The following ADGRL3 variants were observed in gnomAD, a reference collection of about 807,000 sequenced individuals.
ADGRL3 encodes adhesion G protein-coupled receptor L3.
ADGRL3 carries 62 observed loss-of-function variants against 153.5 expected under a neutral mutation model. The ratio of observed to expected loss-of-function variants is 0.40; its 90% CI spans 0.33 to 0.50. The LOEUF (loss-of-function observed/expected upper bound fraction) is 0.50. Ranked by LOEUF, ADGRL3 falls within the 20% of genes least tolerant of loss-of-function variation. ADGRL3 has a pLI of 0.47. For missense variants in ADGRL3, 1,641 were observed against 1,859.4 expected, an observed-to-expected ratio of 0.88 and a Z score of 2.16; for synonymous variants, 710 against 672.5, an observed-to-expected ratio of 1.06 and a Z score of -0.86.
intron 1 of ADGRL3, among the ~76,000 whole-genome samples, chr4:61,379,201 G>A (rs949026331): frequency 6.6e-6 from 1 of 151,806 alleles, no homozygotes; most frequent in Non-Finnish European, 1.5e-5. Flanking sequence ...GGGGGTAGTT[G>A]GAAAAAGGAT....
intron 2 of ADGRL3, among the ~76,000 whole-genome samples, chr4:61,458,375 A>C (rs115251687): frequency 0.01 from 1,539 of 151,474 alleles, 27 homozygotes; most frequent in African/African-American, 0.03. Flanking sequence ...AAAAAACAAT[A>C]ATTTTTATTA....
At chr4:61,354,382 C>T (rs569106563) in intron 1 of ADGRL3, among the ~76,000 whole-genome samples, 6 of 151,906 alleles carry the variant, frequency 3.9e-5, no homozygotes, top group South Asian at 2.1e-4. Context: ...AATGGACATC[C>T]GCATATATAA....
At position 62,044,512 on chromosome 4, in the gene ADGRL3, T is replaced by G; in HGVS notation, c.3777T>G (p.Ile1259Met). The change falls in exon 25 of 27, where the codon ATT (isoleucine) becomes ATG (methionine). Residue 1259 changes from isoleucine (I) to methionine (M), a missense_variant. By Grantham distance (10) the Ile-to-Met change is conservative. Coordinates refer to ENST00000683033, the MANE Select transcript of ADGRL3 (RefSeq NM_001387552.1). ...TVRKQSESSF[I>M]TGDINSSASL... ...GAAAGCAGTCAGAGTCTTCCTTTAT[T>G]ACTGGAGACATAAACAGTTCAGCGT... The G allele has an allele frequency of 6.3e-7, 1 of 1,597,126 alleles. No homozygotes were observed. The highest frequency in any genetic ancestry group is 8.5e-7 in the Non-Finnish European group (1 of 1,171,184).
intron 5 of ADGRL3, among the ~76,000 whole-genome samples, chr4:61,667,895 C>T (rs2094855446): frequency 6.6e-6 from 1 of 152,154 alleles, no homozygotes; most frequent in Non-Finnish European, 1.5e-5. Flanking sequence ...TGCTCCTTGG[C>T]AATGACATGC....
intron 17 of ADGRL3, among the ~76,000 whole-genome samples, chr4:61,965,606 C>T (rs2099003571): frequency 6.6e-6 from 1 of 151,834 alleles, no homozygotes; most frequent in Non-Finnish European, 1.5e-5. Context: ...AAAAAATTAG[C>T]CAGGCTTGGT....
At position 61,443,531 on chromosome 4, in the gene ADGRL3, T is replaced by G. The variant is rs535985816; in HGVS notation, c.-173-53590T>G. 3.9e-5 allele frequency among the ~76,000 whole-genome samples: 6 copies of G among 152,298 alleles called. No individual in the cohort carries two copies. The East Asian group carries it at 5.8e-4, about 15-fold the overall frequency. ...AAAATATTCAAATGAAGTTAGCACA[T>G]AAACAGCTAATATTTAATTCTATTT... On this transcript the variant is annotated intron_variant, in intron 2 of 26. Coordinates refer to ENST00000683033, the MANE Select transcript of ADGRL3 (RefSeq NM_001387552.1).
intron 2 of ADGRL3, among the ~76,000 whole-genome samples, chr4:61,391,021 T>C (rs1314924773): frequency 2.6e-5 from 4 of 152,224 alleles, no homozygotes; most frequent in African/African-American, 7.2e-5. Context: ...TAGATGTATC[T>C]CAGTTCATTT....
intron 4 of ADGRL3, among the ~76,000 whole-genome samples, chr4:61,545,821 T>A (rs749804665): frequency 3.3e-5 from 5 of 152,278 alleles, no homozygotes; most frequent in Non-Finnish European, 7.4e-5. Flanking sequence ...GGCCTCTGTG[T>A]CTTTCTCTCT....
chr4:61,662,000 C>T (rs924689755), intron 5 of ADGRL3, among the ~76,000 whole-genome samples: 1 of 152,162 alleles, frequency 6.6e-6, no homozygotes, highest in African/African-American at 2.4e-5. Context: ...TTCTGAAAAG[C>T]AGGTTGTAGT....
chr4:61,905,748 A>G (rs886358019), intron 11 of ADGRL3, among the ~76,000 whole-genome samples: 2 of 152,036 alleles, frequency 1.3e-5, no homozygotes, highest in African/African-American at 4.8e-5. Flanking sequence ...TGCAAAAATT[A>G]GCTGGGCATG....
At chr4:61,600,402 A>G (rs1387290302) in intron 5 of ADGRL3, among the ~76,000 whole-genome samples, 2 of 151,482 alleles carry the variant, frequency 1.3e-5, no homozygotes, top group African/African-American at 4.9e-5. Flanking sequence ...GGAGCTCCAA[A>G]ATTATGTTAG....
intron 6 of ADGRL3, among the ~76,000 whole-genome samples, chr4:61,701,961 A>T (rs1363429582): frequency 6.6e-6 from 1 of 152,090 alleles, no homozygotes; most frequent in Non-Finnish European, 1.5e-5. Flanking sequence ...GATAAGGAAT[A>T]AAAAAATGAA....
intron 8 of ADGRL3, among the ~76,000 whole-genome samples, chr4:61,807,579 A>G (rs2097565926): frequency 6.6e-6 from 1 of 152,140 alleles, no homozygotes; most frequent in African/African-American, 2.4e-5. Context: ...CAACACTGGG[A>G]CCAAGTGATT....
intron 1 of ADGRL3, among the ~76,000 whole-genome samples, chr4:61,356,268 G>T (rs1369429063): frequency 6.6e-6 from 1 of 152,014 alleles, no homozygotes; most frequent in Non-Finnish European, 1.5e-5. Flanking sequence ...TTTTGGATAA[G>T]AGTACATTTA....
chr4:61,360,793 G>A (rs978178657), intron 1 of ADGRL3, among the ~76,000 whole-genome samples: 4 of 152,130 alleles, frequency 2.6e-5, no homozygotes, highest in African/African-American at 7.2e-5. Context: ...TTAGTGTATG[G>A]TGTACTCTCA....
At chr4:61,763,753 T>C (rs979165978) in intron 8 of ADGRL3, among the ~76,000 whole-genome samples, 2 of 152,088 alleles carry the variant, frequency 1.3e-5, no homozygotes, top group Admixed American at 6.6e-5. Flanking sequence ...ACTATATACA[T>C]ATATATATAA....
chr4:61,471,394 A>T (rs1209188781), intron 2 of ADGRL3, among the ~76,000 whole-genome samples: 1 of 151,900 alleles, frequency 6.6e-6, no homozygotes, highest in African/African-American at 2.4e-5. Context: ...TAAAATTTTC[A>T]GTTACATAGA....
At chr4:61,719,318 A>G (rs1338098114) in intron 6 of ADGRL3, among the ~76,000 whole-genome samples, 1 of 152,184 alleles carries the variant, frequency 6.6e-6, no homozygotes, top group Admixed American at 6.5e-5. Flanking sequence ...GAAAATAAGT[A>G]GAAACCATTC....
chr4:61,860,463 C>A (rs2098328927), intron 9 of ADGRL3, among the ~76,000 whole-genome samples: 1 of 151,936 alleles, frequency 6.6e-6, no homozygotes, highest in African/African-American at 2.4e-5. Context: ...TGCCCACAAG[C>A]AGAGATCGGG....
Sources: gnomAD v4.1 joint callset for allele counts (sites outside exome capture counted in the v4.1 genomes callset) on GRCh38, gnomAD v4.1.1 for gene constraint, MANE v1.5 for transcripts, NCBI Gene and HGNC (gene_info 2026-07-23, HGNC 2026-07-21) for gene names.